The following FRY variants were observed in gnomAD, a reference collection of about 807,000 sequenced individuals.
FRY encodes the protein protein furry homolog.
Under a neutral mutation model 348.4 loss-of-function variants are expected in FRY, and 128 were observed. That is an observed-to-expected ratio of 0.37 (90% confidence interval 0.32 to 0.43). The LOEUF is 0.43. Among genes scored for constraint, FRY ranks in the 20% least tolerant of loss-of-function variants. FRY has a pLI of 1.00. For missense variants in FRY, 2,736 were observed against 3,695.2 expected (o/e 0.74, Z 6.73); for synonymous variants, 1,370 against 1,374.7 (o/e 1.00, Z 0.08).
chr13:32,214,152 A>G (rs1194335711), intron 35 of FRY, among the ~76,000 whole-genome samples: 1 of 152,192 alleles, frequency 6.6e-6, no homozygotes, highest in Non-Finnish European at 1.5e-5. Context: ...TGTCTACTGT[A>G]TTCTTTTTTT....
chr13:32,123,165 T>C lies in FRY; in HGVS notation c.465-1121T>C, dbSNP rs190767913. ...AATCCCCATCAAAATACCACCGTCATTCTTCACAGAATTAGGAAAAGCAAT... is the reference window on the plus strand; with the variant it reads ...AATCCCCATCAAAATACCACCGTCACTCTTCACAGAATTAGGAAAAGCAAT... On this transcript the variant is annotated intron_variant, in intron 4 of 60. Coordinates refer to ENST00000542859, the MANE Select transcript of FRY (RefSeq NM_023037.3). Among the ~76,000 whole-genome samples, 208 of 152,286 alleles carry C rather than the reference T, an allele frequency of 1.4e-3. 1 individual carries two copies. Among genetic ancestry groups the C allele is most frequent in the African/African-American group, 4.6e-3 (193 of 41,550 alleles).
intron 4 of FRY, 83 bp downstream of exon 4, chr13:32,117,556 A>T: frequency 7.0e-7 from 1 of 1,418,776 alleles, no homozygotes; most frequent in East Asian, 2.3e-5. Context: ...TTACAAGGCA[A>T]TTGGGTCTTC....
chr13:32,108,256 C>A, intron 3 of FRY, among the ~76,000 whole-genome samples: 1 of 152,058 alleles, frequency 6.6e-6, no homozygotes, highest in East Asian at 1.9e-4. Flanking sequence ...GGACCAGTTG[C>A]CTAGCTAGAA....
intron 58 of FRY, among the ~76,000 whole-genome samples, chr13:32,282,701 T>G (rs1270501052): frequency 6.6e-6 from 1 of 152,228 alleles, no homozygotes; most frequent in Non-Finnish European, 1.5e-5. Flanking sequence ...TTTTTCTAGT[T>G]TTTCTTCTAT....
intron 40 of FRY, 86 bp from the exon 41 acceptor site, chr13:32,231,093 A>G: frequency 3.5e-6 from 4 of 1,147,336 alleles, no homozygotes; most frequent in South Asian, 1.4e-5. Flanking sequence ...TAAATATGTT[A>G]TATGTTTGGA....
At position 32,079,142 on chromosome 13, in the gene FRY, A is replaced by G. The variant is rs1373280129; in HGVS notation, c.270+109A>G. 18 of 834,280 alleles carry G rather than the reference A, an allele frequency of 2.2e-5. No homozygotes were observed. The Admixed American group carries it at 3.1e-4, about 14-fold the overall frequency. The allele number at this position is 834,280 out of a possible 1,614,324, so 51.7% of individuals were successfully genotyped here. ...GGATTGCTTTTCCTCTGGTTTGTAA[A>G]GGTTCTTTAATATCATAGGTAATGT... is the stretch of plus-strand genomic sequence containing the variant. On this transcript the variant is annotated intron_variant, in intron 2 of 60. Coordinates refer to ENST00000542859, the MANE Select transcript of FRY (RefSeq NM_023037.3).
chr13:32,096,410 A>G (rs953816766), intron 2 of FRY, among the ~76,000 whole-genome samples: 1 of 150,828 alleles, frequency 6.6e-6, no homozygotes, highest in African/African-American at 2.4e-5. Context: ...TGTGACAACT[A>G]ACAGGTGACT....
At chr13:32,280,654 CTTG>C (rs1174975489) in intron 58 of FRY, among the ~76,000 whole-genome samples, 1 of 152,204 alleles carries the variant, frequency 6.6e-6, no homozygotes, top group Non-Finnish European at 1.5e-5. Context: ...TAAAAAACAA[CTTG>C]TTATCTGAAA....
intron 1 of FRY, among the ~76,000 whole-genome samples, chr13:32,059,458 C>CAA (rs10692049): frequency 0.096 from 10,635 of 111,292 alleles, 562 homozygotes; most frequent in Non-Finnish European, 0.11. Flanking sequence ...ACTTAGGAAG[C>CAA]AAAAAAAAAA....
At chr13:32,178,605 G>GT (rs1162872392) in intron 21 of FRY, among the ~76,000 whole-genome samples, 169 bp downstream of exon 21, 2 of 152,068 alleles carry the variant, frequency 1.3e-5, no homozygotes, top group Non-Finnish European at 2.9e-5. Context: ...AAAGCTAGTG[G>GT]TTTTTTGCCT....
intron 2 of FRY, among the ~76,000 whole-genome samples, chr13:32,081,262 T>C (rs185810): frequency 0.68 from 103,010 of 152,078 alleles, 35,080 homozygotes; most frequent in Non-Finnish European, 0.69. Context: ...TTCTGGGTGT[T>C]GATGGCCAAC....
At chr13:32,061,639 T>G (rs1039789002) in intron 1 of FRY, among the ~76,000 whole-genome samples, 2 of 152,216 alleles carry the variant, frequency 1.3e-5, no homozygotes, top group African/African-American at 4.8e-5. Context: ...TAAAAGCAGT[T>G]TTTTTCTTCA....
chr13:32,185,033 T>C lies in FRY; in HGVS notation c.3204T>C (p.Tyr1068=), dbSNP rs2138263407. The change falls in exon 26 of 61, where the codon TAT becomes TAC. Residue 1068 remains tyrosine (Y), a synonymous_variant. Transcript: ENST00000542859. ...CCCTGGGAGCTTTGTTCTTAGAATA[T>C]GTGGACTTGACCCGCATGCTCCTAG... ...TLALGALFLE[Y]VDLTRMLLEA... 8.7e-6 allele frequency: 14 copies of C among 1,613,788 alleles called. No homozygotes were observed. Among genetic ancestry groups the C allele is most frequent in the Non-Finnish European group, 1.2e-5 (14 of 1,179,694 alleles).
intron 1 of FRY, among the ~76,000 whole-genome samples, chr13:32,045,131 A>G (rs1332291434): frequency 6.6e-6 from 1 of 152,054 alleles, no homozygotes; most frequent in Non-Finnish European, 1.5e-5. Context: ...TGAACCTGTG[A>G]CTTCATCTCT....
chr13:32,223,291 AGGAAAAGCAAATTTTCATAGAGATG>A lies in FRY; in HGVS notation c.4766-939_4766-915del, dbSNP rs1192894569. Among the ~76,000 whole-genome samples, 4 of 152,180 alleles carry A rather than the reference AGGAAAAGCAAATTTTCATAGAGATG, an allele frequency of 2.6e-5. No individual in the cohort carries two copies. The East Asian group carries it at 7.7e-4, about 29-fold the overall frequency. Reference sequence around the variant, plus strand: ...GCTTTATTGAGATGAGGAAGACTGGAGGAAAAGCAAATTTTCATAGAGATGGGAATTCAACACGATTTAATGTTTT... The same window carrying A: ...GCTTTATTGAGATGAGGAAGACTGGAGGAATTCAACACGATTTAATGTTTT... On this transcript the variant is annotated intron_variant, in intron 36 of 60. Transcript: ENST00000542859.
At chr13:32,279,477 G>T (rs979526782) in intron 58 of FRY, among the ~76,000 whole-genome samples, 4 of 152,340 alleles carry the variant, frequency 2.6e-5, no homozygotes, top group African/African-American at 9.6e-5. Flanking sequence ...CAGGGCTTTG[G>T]TGTTTAACAG....
At chr13:32,260,330 T>A (rs1198094402) in intron 51 of FRY, among the ~76,000 whole-genome samples, 1 of 152,214 alleles carries the variant, frequency 6.6e-6, no homozygotes, top group East Asian at 1.9e-4. Context: ...TGTACTAGAT[T>A]TTGTCAGATC....
In FRY at chr13:32,294,369, T is replaced by C. The variant is rs1889524254; in HGVS notation, c.8582T>C (p.Leu2861Pro). 1 of 1,609,650 alleles carries C rather than the reference T, an allele frequency of 6.2e-7. No homozygotes were observed. Among genetic ancestry groups the C allele is most frequent in the African/African-American group, 1.3e-5 (1 of 74,852 alleles). The change falls in exon 60 of 61, where the codon CTG becomes CCG. Residue 2861 changes from leucine (L) to proline (P), a missense_variant and splice_region_variant. Leu to Pro is a moderately conservative substitution (Grantham distance 98). This residue lies in a region of FRY where 157 missense variants were observed against 215.2 expected (regional missense o/e 0.73). Transcript: ENST00000542859. ...TAAAAAACATTTTTTTTTAAATAGC[T>C]GCTGAATATGTCCAGGGAACTGAGT... ...QVHEVSSMPE[L>P]LNMSRELSDL...
At position 32,179,700 on chromosome 13, in the gene FRY, T is replaced by C; in HGVS notation, c.2897T>C (p.Val966Ala). The part of the protein sequence containing the change: ...NKAIGTPSVG[V>A]LLKQLVPLMR... ...GCCATAGGCACCCCATCGGTGGGAG[T>C]TCTGTTAAAGCAGTTGGTGCCTTTG... Residue 966 changes from valine to alanine, a missense_variant, in exon 23 of 61, where the codon GTT becomes GCT. By Grantham distance (64) the Val-to-Ala change is moderately conservative (BLOSUM62 0). Transcript: ENST00000542859. 6.2e-7 allele frequency: 1 copy of C among 1,613,866 alleles called. No homozygotes were observed. Among genetic ancestry groups the C allele is most frequent in the Non-Finnish European group, 8.5e-7 (1 of 1,179,834 alleles).
Sources: allele counts gnomAD v4.1 joint callset (sites outside exome capture counted in the v4.1 genomes callset), GRCh38; gene constraint gnomAD v4.1.1; regional missense constraint gnomAD v4.1.1; transcripts MANE v1.5; gene names NCBI Gene and HGNC (gene_info 2026-07-23, HGNC 2026-07-21).